The following DNAAF9 variants were observed in gnomAD, a reference collection of about 807,000 sequenced individuals.
The protein encoded by DNAAF9 is shulin.
Under a neutral mutation model 167.0 loss-of-function variants are expected in DNAAF9, and 90 were observed. The ratio of observed to expected loss-of-function variants is 0.54; its 90% CI spans 0.45 to 0.64. DNAAF9 has a LOEUF of 0.64. DNAAF9 is among the 30% of genes least tolerant of loss of function. DNAAF9 has a pLI of 0.00. For synonymous variants in DNAAF9, 491 were observed against 508.8 expected (o/e 0.96, Z 0.47); for missense variants, 1,315 against 1,442.2 (o/e 0.91, Z 1.43).
chr20:3,295,636 G>A (rs1228259818), intron 23 of DNAAF9: 1 of 475,972 alleles, frequency 2.1e-6, no homozygotes, highest in Non-Finnish European at 4.2e-6. Flanking sequence ...GTGAGGATGG[G>A]AGGTGGGGCT....
At chr20:3,402,243 C>T (rs1326224871) in intron 1 of DNAAF9, among the ~76,000 whole-genome samples, 1 of 152,010 alleles carries the variant, frequency 6.6e-6, no homozygotes, top group African/African-American at 2.4e-5. Context: ...TGATGCTATG[C>T]CAGGACATGC....
intron 1 of DNAAF9, among the ~76,000 whole-genome samples, chr20:3,399,797 G>A (rs1600932102): frequency 6.6e-6 from 1 of 152,182 alleles, no homozygotes; most frequent in Admixed American, 6.5e-5. Context: ...GAAGAGGCCT[G>A]GTTCCCTGAT....
intron 3 of DNAAF9, among the ~76,000 whole-genome samples, chr20:3,379,081 T>G (rs1014346350): frequency 6.6e-6 from 1 of 151,896 alleles, no homozygotes; most frequent in Non-Finnish European, 1.5e-5. Flanking sequence ...GAGAGTTGGC[T>G]ATTACCTGAA....
rs553881614 is a variant in DNAAF9 at position 3,354,207 on chromosome 20, G to A, written c.690+5309C>T. On this transcript the variant is annotated intron_variant, in intron 7 of 36. Transcript: ENST00000252032. Reference sequence around the variant, plus strand: ...TCTAGACAAAAGATACCTAGAACCTGTGTGCTTTCCGCTAGACATGCTATT... The same window carrying A: ...TCTAGACAAAAGATACCTAGAACCTATGTGCTTTCCGCTAGACATGCTATT... Among the ~76,000 whole-genome samples, 5 of 152,324 alleles carry A rather than the reference G, an allele frequency of 3.3e-5. No homozygotes were observed. The East Asian group carries it at 7.7e-4, about 23-fold the overall frequency.
At chr20:3,333,921 T>C (rs1456232847) in intron 10 of DNAAF9, among the ~76,000 whole-genome samples, 1 of 152,202 alleles carries the variant, frequency 6.6e-6, no homozygotes. Context: ...TTGTCTTAAG[T>C]AGTTAAAATA....
chr20:3,396,329 TTTTATTTACAA>T (rs2083906612), intron 1 of DNAAF9, among the ~76,000 whole-genome samples: 1 of 152,256 alleles, frequency 6.6e-6, no homozygotes, highest in African/African-American at 2.4e-5. Context: ...CTCTTCCTTT[TTTTATTTACAA>T]TTTATTTACA....
intron 16 of DNAAF9, among the ~76,000 whole-genome samples, chr20:3,319,895 A>G (rs1034254398): frequency 6.6e-6 from 1 of 152,174 alleles, no homozygotes; most frequent in Non-Finnish European, 1.5e-5. Flanking sequence ...AAGGATTTCG[A>G]GCATCTGAAG....
At chr20:3,293,666 C>CAAAAAA in intron 25 of DNAAF9, among the ~76,000 whole-genome samples, 1 of 85,598 alleles carries the variant, frequency 1.2e-5, no homozygotes, top group South Asian at 4.6e-4. Context: ...GCCTGGGTGA[C>CAAAAAA]AAAAAAAAAA....
rs2083309608 is a variant in DNAAF9 at position 3,357,871 on chromosome 20, G to A, written c.690+1645C>T. ...AAAAAAAATAAAAAATTAGCCAGGT[G>A]TGGTGATGCACGCCTGTAGTCCCAG... On this transcript the variant is annotated intron_variant, in intron 7 of 36. Transcript: ENST00000252032. Among the ~76,000 whole-genome samples, 2 of 151,922 alleles carry A rather than the reference G, an allele frequency of 1.3e-5. 1 individual carries two copies. Among genetic ancestry groups the A allele is most frequent in the South Asian group, 4.1e-4 (2 of 4,824 alleles).
intron 20 of DNAAF9, chr20:3,307,266 G>T: frequency 2.5e-6 from 1 of 408,060 alleles, no homozygotes. Flanking sequence ...ATGAGCCAAG[G>T]CAAGGTCTCA....
rs780343614 is a variant in DNAAF9, at chr20:3,281,748, A to T, written c.2505T>A (p.Asp835Glu). ...VVLQGYTDVI[D>E]VVQALQTHPD... ...GGTGGGTCTGCAGGGCCTGGACAACATCAATAACATCTGTGTAGCTGGGGA... is the reference window on the plus strand; with the variant it reads ...GGTGGGTCTGCAGGGCCTGGACAACTTCAATAACATCTGTGTAGCTGGGGA... The change falls in exon 28 of 37, where the codon GAT (aspartate) becomes GAA (glutamate). Residue 835 changes from aspartate (D) to glutamate (E), a missense_variant. Asp to Glu is a conservative substitution (Grantham distance 45). This residue lies in a region of DNAAF9 where 334 missense variants were observed against 429.7 expected (regional missense o/e 0.78). Coordinates refer to ENST00000252032, the MANE Select transcript of DNAAF9 (RefSeq NM_001009984.3). 3.7e-6 allele frequency: 6 copies of T among 1,611,684 alleles called. No homozygotes were observed.
rs766582080 is a variant in DNAAF9, at chr20:3,332,352, A to C, written c.991T>G (p.Cys331Gly). 3 of 1,594,570 alleles carry C rather than the reference A, an allele frequency of 1.9e-6. No homozygotes were observed. In the East Asian group the frequency reaches 6.7e-5, roughly 36 times the overall value. The change falls in exon 11 of 37, where the codon TGT becomes GGT. Residue 331 changes from cysteine to glycine, a missense_variant. Cys to Gly is a radical substitution (Grantham distance 159). Coordinates refer to ENST00000252032, the MANE Select transcript of DNAAF9 (RefSeq NM_001009984.3). The part of the protein sequence containing the change: ...GSFAKHMVAQ[C>G]VSPKGPLACS... ...GCAAGAGGTCCCTTTGGTGAGACAC[A>C]CTGGGCTACCTGGATGTCAGAAAAA... is the stretch of plus-strand genomic sequence containing the variant.
intron 1 of DNAAF9, among the ~76,000 whole-genome samples, chr20:3,407,244 CTGTG>C (rs2084073684): frequency 6.6e-6 from 1 of 152,020 alleles, no homozygotes; most frequent in Non-Finnish European, 1.5e-5. Flanking sequence ...GCAGGGTTGT[CTGTG>C]GGGGAGCCAT....
chr20:3,320,553 G>A (rs960951976), intron 16 of DNAAF9, among the ~76,000 whole-genome samples: 4 of 152,124 alleles, frequency 2.6e-5, no homozygotes, highest in Admixed American at 2.6e-4. Context: ...GTCTAACAAG[G>A]AGATAAAGTA....
At position 3,330,664 on chromosome 20, in the gene DNAAF9, G is replaced by A. The variant is rs762397004; in HGVS notation, c.1082C>T (p.Pro361Leu). The change falls in exon 12 of 37, where the codon CCC (proline) becomes CTC (leucine). Residue 361 changes from proline (P) to leucine (L), a missense_variant. Physicochemically the swap from Pro to Leu is moderately conservative, Grantham distance 98 (BLOSUM62 -3). This residue lies in a region of DNAAF9 where 981 missense variants were observed against 1,012.5 expected (regional missense o/e 0.97). Coordinates refer to ENST00000252032, the MANE Select transcript of DNAAF9 (RefSeq NM_001009984.3). ...VPYLGGDSKL[P>L]KKTEQIRLLS... ...GACTTACATTTGTTCAGTTTTCTTG[G>A]GCAGCTTGCTGTCACCACCTGTGAA... 1 of 1,600,966 alleles carries A rather than the reference G, an allele frequency of 6.2e-7. No individual in the cohort carries two copies. Among genetic ancestry groups the A allele is most frequent in the Non-Finnish European group, 8.5e-7 (1 of 1,170,038 alleles).
chr20:3,316,763 A>C lies in DNAAF9; in HGVS notation c.1499T>G (p.Val500Gly), dbSNP rs1489260447. The change falls in exon 18 of 37, where the codon GTA (valine) becomes GGA (glycine). Residue 500 changes from valine to glycine, a missense_variant. Transcript: ENST00000252032. ...TCTGGGTACAGCAGCAGTCAGGACT[A>C]CGGAGCTGGTTTCTGTGGTAACAGT... is the stretch of plus-strand genomic sequence containing the variant. Reference protein sequence around the residue: ...DGTVTTETSSVVLTAAVPRFC... With the variant: ...DGTVTTETSSGVLTAAVPRFC... The C allele has an allele frequency of 6.2e-7, 1 of 1,613,732 alleles. No homozygotes were observed. The highest frequency in any genetic ancestry group is 1.3e-5 in the African/African-American group (1 of 74,916).
At chr20:3,293,666 CAA>C (rs71195830) in intron 25 of DNAAF9, among the ~76,000 whole-genome samples, 1,299 of 85,614 alleles carry the variant, frequency 0.015, 10 homozygotes, top group African/African-American at 0.033. Flanking sequence ...GCCTGGGTGA[CAA>C]AAAAAAAAAA....
intron 27 of DNAAF9, among the ~76,000 whole-genome samples, chr20:3,286,087 G>A (rs2068849033): frequency 6.6e-6 from 1 of 152,198 alleles, no homozygotes; most frequent in Non-Finnish European, 1.5e-5. Context: ...CCTAAATAAT[G>A]GGCATGAAGG....
intron 25 of DNAAF9, 148 bp downstream of exon 25, chr20:3,293,988 TATC>T (rs2069016632): frequency 1.8e-6 from 1 of 552,332 alleles, no homozygotes; most frequent in African/African-American, 3.4e-5. Context: ...GGTTACATGT[TATC>T]ATTACATTTC....
Sources: gnomAD v4.1 joint callset for allele counts (sites outside exome capture counted in the v4.1 genomes callset) on GRCh38, gnomAD v4.1.1 for gene constraint, gnomAD v4.1.1 regional missense constraint, MANE v1.5 for transcripts, NCBI Gene and HGNC (gene_info 2026-07-23, HGNC 2026-07-21) for gene names.